PTPN1: variants seen among roughly 807,000 people sequenced by gnomAD.
PTPN1 encodes protein tyrosine phosphatase non-receptor type 1, also known as tyrosine-protein phosphatase non-receptor type 1.
PTPN1 carries 12 observed loss-of-function variants against 59.9 expected under a neutral mutation model. That is an observed-to-expected ratio of 0.20 (90% confidence interval 0.13 to 0.32). The LOEUF is 0.32. PTPN1 is among the 10% of genes least tolerant of loss of function. The probability of loss-of-function intolerance (pLI) is 1.00; values close to 1 mark genes in which losing one functional copy is unlikely to be tolerated. For missense variants in PTPN1, 356 were observed against 549.2 expected (o/e 0.65, Z 3.52); for synonymous variants, 178 against 203.6 (o/e 0.87, Z 1.07).
intron 4 of PTPN1, among the ~76,000 whole-genome samples, chr20:50,569,922 C>G (rs1022446554): frequency 1.3e-5 from 2 of 152,228 alleles, no homozygotes; most frequent in African/African-American, 4.8e-5. Flanking sequence ...GCTGCGGGGT[C>G]CAGGAGGAGA....
intron 1 of PTPN1, among the ~76,000 whole-genome samples, chr20:50,527,607 C>T (rs112765280): frequency 6.2e-4 from 94 of 152,254 alleles, no homozygotes; most frequent in African/African-American, 2.2e-3. Flanking sequence ...GTGATCCACC[C>T]GTCAGCCTCC....
In PTPN1 at chr20:50,530,635, CTGCTGGGATTACAAG is replaced by C. The variant is rs555287099; in HGVS notation, c.63+20061_63+20075del. On this transcript the variant is annotated intron_variant, in intron 1 of 9. Transcript: ENST00000371621. ...GCCTCCCAAAGTGCTGGGATTACAA[CTGCTGGGATTACAAG>C]TGCTGGGATTACAAGCGTGAGCCAC... is the stretch of plus-strand genomic sequence containing the variant. 4.0e-3 allele frequency among the ~76,000 whole-genome samples: 605 copies of C among 151,938 alleles called. 1 individual carries two copies. Among genetic ancestry groups the C allele is most frequent in the African/African-American group, 0.014 (580 of 41,436 alleles).
chr20:50,534,129 T>C (rs1159971209), intron 1 of PTPN1, among the ~76,000 whole-genome samples: 1 of 152,192 alleles, frequency 6.6e-6, no homozygotes, highest in Non-Finnish European at 1.5e-5. Context: ...TTTCACCATG[T>C]TGGTCAGTCT....
At chr20:50,535,280 C>T (rs1453090326) in intron 1 of PTPN1, among the ~76,000 whole-genome samples, 4 of 152,268 alleles carry the variant, frequency 2.6e-5, no homozygotes, top group Middle Eastern at 3.4e-3. Flanking sequence ...GATAAAGGCA[C>T]TCCCTTGATC....
intron 1 of PTPN1, among the ~76,000 whole-genome samples, chr20:50,553,648 A>G (rs1054708171): frequency 6.6e-6 from 1 of 152,212 alleles, no homozygotes; most frequent in Non-Finnish European, 1.5e-5. Flanking sequence ...TAAGTAAACA[A>G]TGTGATGCAT....
At chr20:50,524,507 AGTT>A (rs1442241051) in intron 1 of PTPN1, among the ~76,000 whole-genome samples, 8 of 138,592 alleles carry the variant, frequency 5.8e-5, no homozygotes, top group Admixed American at 2.2e-4. Flanking sequence ...GGTCTCATTT[AGTT>A]GTTGTGAATT....
chr20:50,530,140 C>CT (rs939850985), intron 1 of PTPN1, among the ~76,000 whole-genome samples: 1 of 149,344 alleles, frequency 6.7e-6, no homozygotes, highest in African/African-American at 2.5e-5. Context: ...TCCCAAAGTG[C>CT]TGGGATTACA....
intron 1 of PTPN1, among the ~76,000 whole-genome samples, chr20:50,539,122 A>T (rs1400620092): frequency 1.5e-5 from 2 of 132,736 alleles, no homozygotes; most frequent in African/African-American, 5.8e-5. Context: ...CGCAACCTCC[A>T]CCTTCTGGGT....
chr20:50,520,863 G>A (rs1305867061), intron 1 of PTPN1, among the ~76,000 whole-genome samples: 1 of 152,180 alleles, frequency 6.6e-6, no homozygotes, highest in Non-Finnish European at 1.5e-5. Context: ...TACAGGATCT[G>A]TAAAATGTAG....
At chr20:50,546,538 T>C (rs1264934773) in intron 1 of PTPN1, among the ~76,000 whole-genome samples, 2 of 152,248 alleles carry the variant, frequency 1.3e-5, no homozygotes, top group Non-Finnish European at 2.9e-5. Context: ...AAGTACTTTA[T>C]AAACTCATTT....
intron 1 of PTPN1, among the ~76,000 whole-genome samples, chr20:50,528,924 G>T (rs2122733816): frequency 6.6e-6 from 1 of 152,122 alleles, no homozygotes; most frequent in African/African-American, 2.4e-5. Context: ...TGTTTTCTCT[G>T]TTCCTTTTTA....
chr20:50,553,229 T>C (rs1279000587), intron 1 of PTPN1, among the ~76,000 whole-genome samples: 1 of 152,180 alleles, frequency 6.6e-6, no homozygotes, highest in Non-Finnish European at 1.5e-5. Flanking sequence ...ATACGAAAAC[T>C]ATAGAGTGAT....
intron 1 of PTPN1, among the ~76,000 whole-genome samples, chr20:50,550,210 A>T (rs1380588028): frequency 6.6e-6 from 1 of 152,158 alleles, no homozygotes; most frequent in East Asian, 1.9e-4. Flanking sequence ...CTGTCTGTAC[A>T]TTTCTGAAAG....
chr20:50,579,856 G>A lies in PTPN1; in HGVS notation c.1018G>A (p.Glu340Lys), dbSNP rs1275800499. Residue 340 changes from glutamate (E) to lysine (K), a missense_variant, in exon 8 of 10, where the codon GAG (glutamate) becomes AAG (lysine). By Grantham distance (56) the Glu-to-Lys change is moderately conservative (BLOSUM62 1). Transcript: ENST00000371621. ...NHQWVKEETQ[E>K]DKDCPIKEEK... ...CCAGTGGGTGAAGGAAGAGACCCAG[G>A]AGGATAAAGACTGCCCCATCAAGGA... 2 of 1,614,224 alleles carry A rather than the reference G, an allele frequency of 1.2e-6. No homozygotes were observed. Among genetic ancestry groups the A allele is most frequent in the South Asian group, 1.1e-5 (1 of 91,088 alleles).
At chr20:50,564,808 T>A (rs16995294) in intron 2 of PTPN1, among the ~76,000 whole-genome samples, 161 bp from the exon 3 acceptor site, 71,963 of 151,968 alleles carry the variant, frequency 0.47, 17,609 homozygotes, top group Middle Eastern at 0.65. Flanking sequence ...AAAATCCCAG[T>A]CGCCCCATAC....
chr20:50,532,123 ATAG>A (rs1409881050), intron 1 of PTPN1, among the ~76,000 whole-genome samples: 2 of 152,250 alleles, frequency 1.3e-5, no homozygotes, highest in Non-Finnish European at 2.9e-5. Flanking sequence ...AGGATGGATG[ATAG>A]AGATGTTAAC....
At chr20:50,525,527 C>G (rs2082570849) in intron 1 of PTPN1, among the ~76,000 whole-genome samples, 1 of 152,106 alleles carries the variant, frequency 6.6e-6, no homozygotes, top group Non-Finnish European at 1.5e-5. Context: ...GTCTGCAAAC[C>G]ACTGAAATTG....
In PTPN1 at chr20:50,582,609, G is replaced by C. The variant is rs372657022; in HGVS notation, c.1285-83G>C. 3.8e-4 allele frequency: 560 copies of C among 1,465,806 alleles called. No individual in the cohort carries two copies. The highest frequency in any genetic ancestry group is 5.0e-4 in the Non-Finnish European group (534 of 1,059,866). The allele number at this position is 1,465,806 out of a possible 1,614,324, so 90.8% of individuals were successfully genotyped here. ...CTCCCTCGGAGGTTGAAGTTGCCGG[G>C]GGGTGTGGCCGGGGTCATGCATGAG... On this transcript the variant is annotated intron_variant, in intron 9 of 9. Coordinates refer to ENST00000371621, the MANE Select transcript of PTPN1 (RefSeq NM_002827.4). This position sits in a 1 kb window ranked among gnomAD's most constrained non-coding sequence, Gnocchi z 4.2.
At position 50,568,708 on chromosome 20, in the gene PTPN1, C is replaced by T. The variant is rs1446973213; in HGVS notation, c.354+230C>T. ...AGAACTGCACGGACCTCTTCGCCCCCGCCTTCTCCTGTGTGGTGCGTGTGG... is the reference window on the plus strand; with the variant it reads ...AGAACTGCACGGACCTCTTCGCCCCTGCCTTCTCCTGTGTGGTGCGTGTGG... On this transcript the variant is annotated intron_variant, in intron 4 of 9. Coordinates refer to ENST00000371621, the MANE Select transcript of PTPN1 (RefSeq NM_002827.4). This position sits in a 1 kb window ranked among gnomAD's most constrained non-coding sequence, Gnocchi z 5.6. 6.6e-6 allele frequency among the ~76,000 whole-genome samples: 1 copy of T among 152,204 alleles called. No individual in the cohort carries two copies. The highest frequency in any genetic ancestry group is 1.5e-5 in the Non-Finnish European group (1 of 68,038).
Sources: allele counts gnomAD v4.1 joint callset (sites outside exome capture counted in the v4.1 genomes callset), GRCh38; gene constraint gnomAD v4.1.1; non-coding constraint Gnocchi (gnomAD v3.1); transcripts MANE v1.5; gene names NCBI Gene and HGNC (gene_info 2026-07-23, HGNC 2026-07-21).